CAST: variants seen among roughly 807,000 people sequenced by gnomAD.
CAST encodes the protein MIR583 host.
CAST carries 76 observed loss-of-function variants against 119.6 expected under a neutral mutation model. The observed-to-expected ratio is 0.64, with a 90% CI of 0.53 to 0.77. The LOEUF (loss-of-function observed/expected upper bound fraction) is 0.77. Among genes scored for constraint, CAST ranks in the 30% least tolerant of loss-of-function variants. The pLI, the probability that CAST is intolerant of heterozygous loss-of-function variation, is 0.00. For synonymous variants in CAST, 319 were observed against 331.6 expected (o/e 0.96, Z 0.41); for missense variants, 953 against 946.5 (o/e 1.01, Z -0.09).
At chr5:96,120,019 G>A in the CAST span, among the ~76,000 whole-genome samples, 6 of 152,138 alleles carry the variant, frequency 3.9e-5, no homozygotes, top group East Asian at 5.8e-4. Context: ...GTTTTATTCC[G>A]AGATATCTTT....
At chr5:96,467,009 C>T in the CAST span, among the ~76,000 whole-genome samples, 1 of 152,152 alleles carries the variant, frequency 6.6e-6, no homozygotes, top group Non-Finnish European at 1.5e-5. Context: ...TGTTGTCATA[C>T]ATTTTAACAA....
At chr5:96,292,384 A>G in the CAST span, among the ~76,000 whole-genome samples, 1 of 152,134 alleles carries the variant, frequency 6.6e-6, no homozygotes, top group Non-Finnish European at 1.5e-5. Context: ...ATTGTTTTAA[A>G]CCTTTCACAA....
At chr5:96,072,153 C>G in the CAST span, among the ~76,000 whole-genome samples, 2 of 152,034 alleles carry the variant, frequency 1.3e-5, no homozygotes, top group African/African-American at 4.8e-5. Context: ...AAAAGGAGCT[C>G]AGAATGGGTG....
the CAST span, among the ~76,000 whole-genome samples, chr5:96,501,599 T>C: frequency 1.3e-5 from 2 of 152,252 alleles, no homozygotes; most frequent in African/African-American, 4.8e-5. Context: ...GTTTTGTTTC[T>C]ATATACACCA....
At chr5:96,418,236 T>C in the CAST span, among the ~76,000 whole-genome samples, 1 of 152,252 alleles carries the variant, frequency 6.6e-6, no homozygotes, top group East Asian at 1.9e-4. Context: ...TCATTCTTTA[T>C]AGGCCGCAGC....
At chr5:96,747,277 C>T in intron 17 of CAST, 68 bp from the exon 18 acceptor site, 1 of 867,050 alleles carries the variant, frequency 1.2e-6, no homozygotes, top group Non-Finnish European at 1.9e-6. Context: ...TTCCCAGAAA[C>T]AAACTTGATG....
the CAST span, among the ~76,000 whole-genome samples, chr5:96,370,707 G>A: frequency 3.2e-4 from 48 of 151,188 alleles, no homozygotes; most frequent in Non-Finnish European, 4.9e-4. Flanking sequence ...TAGCCTGCCT[G>A]CTTGGACTAC....
the CAST span, among the ~76,000 whole-genome samples, chr5:96,096,049 C>T: frequency 0.73 from 111,305 of 152,066 alleles, 40,948 homozygotes; most frequent in South Asian, 0.82. Flanking sequence ...GGTACTCAGG[C>T]CACAGTGAAA....
At chr5:96,361,181 C>T in the CAST span, among the ~76,000 whole-genome samples, 2 of 152,152 alleles carry the variant, frequency 1.3e-5, no homozygotes, top group Non-Finnish European at 2.9e-5. Context: ...GCCCCTCTTC[C>T]CACCAAGCTC....
At chr5:96,031,452 A>G in the CAST span, among the ~76,000 whole-genome samples, 4 of 152,266 alleles carry the variant, frequency 2.6e-5, no homozygotes, top group African/African-American at 7.2e-5. Flanking sequence ...CTTAATTTAC[A>G]AAACCACTTT....
At chr5:96,371,292 G>A in the CAST span, among the ~76,000 whole-genome samples, 4 of 152,156 alleles carry the variant, frequency 2.6e-5, no homozygotes, top group African/African-American at 9.7e-5. Flanking sequence ...TTCCAGAAAG[G>A]TCATCATTAA....
chr5:96,600,158 G>C (rs1747124245), intron 1 of CAST, among the ~76,000 whole-genome samples: 1 of 152,160 alleles, frequency 6.6e-6, no homozygotes, highest in Admixed American at 6.5e-5. Context: ...TTGCCTTATG[G>C]GCATGGGGTA....
At chr5:96,038,897 T>C in the CAST span, among the ~76,000 whole-genome samples, 4 of 152,160 alleles carry the variant, frequency 2.6e-5, no homozygotes, top group Admixed American at 1.3e-4. Context: ...AGTAATGAGA[T>C]TGCTGGGTCA....
chr5:96,706,075 C>T (rs112225889), intron 3 of CAST, among the ~76,000 whole-genome samples: 1 of 152,026 alleles, frequency 6.6e-6, no homozygotes, highest in Non-Finnish European at 1.5e-5. Context: ...AGTAATTGCT[C>T]AATATTTATT....
chr5:96,071,410 G>A, the CAST span, among the ~76,000 whole-genome samples: 1 of 151,954 alleles, frequency 6.6e-6, no homozygotes, highest in Non-Finnish European at 1.5e-5. Context: ...TCTAGCACTC[G>A]TATATCAGTC....
the CAST span, among the ~76,000 whole-genome samples, chr5:96,126,221 C>T: frequency 2.0e-5 from 3 of 151,938 alleles, no homozygotes; most frequent in Non-Finnish European, 4.4e-5. Context: ...TTCTCAAACT[C>T]AAAAAGTGCT....
At chr5:96,111,296 T>C in the CAST span, among the ~76,000 whole-genome samples, 1 of 152,250 alleles carries the variant, frequency 6.6e-6, no homozygotes, top group South Asian at 2.1e-4. Context: ...CAGGAACTTC[T>C]GTATCCGTGG....
At chr5:96,006,425 G>C in the CAST span, among the ~76,000 whole-genome samples, 2 of 151,890 alleles carry the variant, frequency 1.3e-5, no homozygotes, top group Non-Finnish European at 2.9e-5. Context: ...AATTTGTGTT[G>C]GGCCACATTC....
chr5:96,770,086 G>A (rs1771703392), intron 29 of CAST: 1 of 160,546 alleles, frequency 6.2e-6, no homozygotes, highest in Admixed American at 5.9e-5. Context: ...ATACCCAGAA[G>A]AGGGATTACT....
Sources: gnomAD v4.1 joint callset for allele counts (sites outside exome capture counted in the v4.1 genomes callset) on GRCh38, gnomAD v4.1.1 for gene constraint, MANE v1.5 for transcripts, NCBI Gene and HGNC (gene_info 2026-07-23, HGNC 2026-07-21) for gene names.